Variants in TENM2 observed in about 807,000 individuals in gnomAD.
TENM2 encodes the protein teneurin-2.
TENM2 carries 52 observed loss-of-function variants against 245.2 expected under a neutral mutation model. The ratio of observed to expected loss-of-function variants is 0.21; its 90% CI spans 0.17 to 0.27. TENM2 has a LOEUF of 0.27. Ranked by LOEUF, TENM2 falls within the 10% of genes least tolerant of loss-of-function variation. The pLI is 1.00. For missense variants in TENM2, 3,046 were observed against 3,666.8 expected, an observed-to-expected ratio of 0.83 and a Z score of 4.37; for synonymous variants, 1,363 against 1,438.9, an observed-to-expected ratio of 0.95 and a Z score of 1.19.
rs116747206 is a variant in TENM2 at position 167,381,155 on chromosome 5, G to T, written c.502+5682G>T. Among the ~76,000 whole-genome samples the T allele has an allele frequency of 2.9e-3, 445 of 152,254 alleles. 3 individuals carry two copies. The highest frequency in any genetic ancestry group is 0.01 in the African/African-American group (427 of 41,550). ...CCATTCGGAAACTGAGACATAGCAG[G>T]TAGAAGAAAATTTCAGGTATTAATA... On this transcript the variant is annotated intron_variant, in intron 2 of 28. Coordinates refer to ENST00000518659, the Ensembl canonical transcript of TENM2.
In TENM2 at chr5:167,682,290, G is replaced by A. The variant is rs1157851777; in HGVS notation, c.503-193696G>A. On this transcript the variant is annotated intron_variant, in intron 2 of 28. Transcript: ENST00000518659. ...CGATTCTTGTGTCTCAGCCTCCCGA[G>A]TAGCTGGGATTACAGGCACACATCA... Among the ~76,000 whole-genome samples, 3 of 151,938 alleles carry A rather than the reference G, an allele frequency of 2.0e-5. No individual in the cohort carries two copies. In the East Asian group the frequency reaches 5.9e-4, roughly 30 times the overall value.
chr5:167,049,842 T>G, the TENM2 span, among the ~76,000 whole-genome samples: 2 of 152,170 alleles, frequency 1.3e-5, no homozygotes, highest in Non-Finnish European at 2.9e-5. Flanking sequence ...TTTTTCAGTC[T>G]CCGTTGTACC....
At chr5:167,209,514 A>G in the TENM2 span, among the ~76,000 whole-genome samples, 1 of 152,148 alleles carries the variant, frequency 6.6e-6, no homozygotes, top group East Asian at 1.9e-4. Flanking sequence ...TCTGCCTCCC[A>G]AAGTGCTGGG....
At chr5:167,597,160 CTTTTCT>C (rs1348377243) in intron 2 of TENM2, among the ~76,000 whole-genome samples, 12 of 102,306 alleles carry the variant, frequency 1.2e-4, no homozygotes, top group East Asian at 3.0e-4. Flanking sequence ...CTTTTCTTTT[CTTTTCT>C]TTTTTTTTTT....
chr5:167,446,788 A>AACGCACACAC (rs1374181730), intron 2 of TENM2, among the ~76,000 whole-genome samples: 20 of 92,342 alleles, frequency 2.2e-4, no homozygotes, highest in African/African-American at 7.6e-4. Flanking sequence ...CAGTTTTTGA[A>AACGCACACAC]ACACGCACAC....
intron 4 of TENM2, among the ~76,000 whole-genome samples, chr5:167,975,646 G>A (rs1187193866): frequency 1.3e-5 from 2 of 152,130 alleles, no homozygotes; most frequent in African/African-American, 4.8e-5. Flanking sequence ...AAGAGCTCTT[G>A]TGTCATTTCA....
At chr5:167,130,013 T>C in the TENM2 span, among the ~76,000 whole-genome samples, 1 of 152,122 alleles carries the variant, frequency 6.6e-6, no homozygotes, top group East Asian at 1.9e-4. Flanking sequence ...CAAGAATTAG[T>C]TGAAATATGG....
chr5:167,494,239 T>C (rs1768634195), intron 2 of TENM2, among the ~76,000 whole-genome samples: 1 of 151,840 alleles, frequency 6.6e-6, no homozygotes, highest in South Asian at 2.1e-4. Context: ...ACAGCAACAA[T>C]AGTAACAAAG....
chr5:168,023,522 G>A (rs992989918), intron 5 of TENM2, among the ~76,000 whole-genome samples: 8 of 152,168 alleles, frequency 5.3e-5, no homozygotes, highest in African/African-American at 9.6e-5. Context: ...GGGGATGCGG[G>A]GCCTGCCTCA....
chr5:168,119,406 C>G (rs1319572897), intron 10 of TENM2, among the ~76,000 whole-genome samples: 1 of 152,196 alleles, frequency 6.6e-6, no homozygotes, highest in Non-Finnish European at 1.5e-5. Context: ...TGTAACTACT[C>G]CTAGTTACCT....
intron 2 of TENM2, among the ~76,000 whole-genome samples, chr5:167,546,387 C>T (rs973595457): frequency 3.9e-5 from 6 of 152,274 alleles, no homozygotes; most frequent in African/African-American, 1.2e-4. Context: ...ATGGCATGAT[C>T]TCCCTAGGAA....
intron 8 of TENM2, among the ~76,000 whole-genome samples, chr5:168,094,182 C>T (rs557526598): frequency 6.6e-6 from 1 of 152,174 alleles, no homozygotes; most frequent in East Asian, 1.9e-4. Context: ...GGAAGTGGTA[C>T]AAAGCCCAGA....
the TENM2 span, among the ~76,000 whole-genome samples, chr5:167,139,518 T>G: frequency 1.2e-4 from 18 of 152,232 alleles, no homozygotes; most frequent in Non-Finnish European, 2.6e-4. Flanking sequence ...CTTAAACCTC[T>G]GGACATAAGA....
intron 2 of TENM2, among the ~76,000 whole-genome samples, chr5:167,508,935 C>G (rs1000849239): frequency 6.6e-6 from 1 of 152,166 alleles, no homozygotes; most frequent in Non-Finnish European, 1.5e-5. Flanking sequence ...TCTCCTGCCT[C>G]AGCCTCCCAA....
chr5:167,751,164 G>A (rs188801959), intron 2 of TENM2, among the ~76,000 whole-genome samples: 3 of 152,214 alleles, frequency 2.0e-5, no homozygotes, highest in Non-Finnish European at 4.4e-5. Flanking sequence ...ACTGGGCAAG[G>A]ACCAGACCTT....
intron 2 of TENM2, among the ~76,000 whole-genome samples, chr5:167,784,576 A>T (rs539029973): frequency 2.6e-5 from 4 of 152,236 alleles, no homozygotes; most frequent in Non-Finnish European, 5.9e-5. Flanking sequence ...GGGTGTTTAC[A>T]TTCCTAGTAG....
At chr5:167,341,949 T>C (rs1758125599) in intron 1 of TENM2, among the ~76,000 whole-genome samples, 2 of 152,206 alleles carry the variant, frequency 1.3e-5, no homozygotes, top group African/African-American at 2.4e-5. Flanking sequence ...ATTTTTACAA[T>C]AAACTTTTTA....
At chr5:168,249,111 A>C (rs900427456) in intron 27 of TENM2, among the ~76,000 whole-genome samples, 38 of 146,602 alleles carry the variant, frequency 2.6e-4, no homozygotes, top group African/African-American at 8.9e-4. Flanking sequence ...GTGACAGAGC[A>C]AGACCCTGTC....
the TENM2 span, among the ~76,000 whole-genome samples, chr5:167,216,982 A>G: frequency 3.9e-5 from 6 of 152,236 alleles, no homozygotes; most frequent in African/African-American, 1.4e-4. Context: ...TGATTTCACC[A>G]GTAACAGAAA....
Sources: gnomAD v4.1 joint callset for allele counts (sites outside exome capture counted in the v4.1 genomes callset) on GRCh38, gnomAD v4.1.1 for gene constraint, MANE v1.5 for transcripts, NCBI Gene and HGNC (gene_info 2026-07-23, HGNC 2026-07-21) for gene names.